The following THNSL1 variants were observed in gnomAD, a reference collection of about 807,000 sequenced individuals.
THNSL1 encodes threonine synthase like 1.
A neutral mutation model predicts 50.4 loss-of-function variants in THNSL1; 48 were observed. The observed-to-expected ratio is 0.95, with a 90% confidence interval of 0.76 to 1.21. The LOEUF (loss-of-function observed/expected upper bound fraction) is 1.21. THNSL1 is among the 50% of genes most tolerant of loss of function. The pLI is 0.00. For synonymous variants in THNSL1, 309 were observed against 306.1 expected (o/e 1.01, Z -0.10); for missense variants, 896 against 871.7 (o/e 1.03, Z -0.35).
chr10:24,959,969 C>G, the THNSL1 span, among the ~76,000 whole-genome samples: 3 of 152,100 alleles, frequency 2.0e-5, no homozygotes, highest in Admixed American at 2.0e-4. Context: ...TTTGGGTTAT[C>G]CTTCAGATTG....
At chr10:25,014,832 T>C (rs1019843860), upstream of THNSL1, among the ~76,000 whole-genome samples, 34 of 152,204 alleles carry the variant, frequency 2.2e-4, no homozygotes, top group African/African-American at 7.5e-4. Flanking sequence ...ATACTTAAAA[T>C]TGAAGAAGCT....
At chr10:24,998,957 A>C in the THNSL1 span, among the ~76,000 whole-genome samples, 2 of 152,178 alleles carry the variant, frequency 1.3e-5, no homozygotes, top group Non-Finnish European at 2.9e-5. Flanking sequence ...GGAGAGTAAA[A>C]GCCCGTACTC....
the THNSL1 span, chr10:24,984,386 A>G: frequency 1.9e-6 from 3 of 1,560,480 alleles, no homozygotes; most frequent in East Asian, 6.8e-5. Flanking sequence ...GCTGCAGAAA[A>G]AAAAAAAAAA....
the THNSL1 span, among the ~76,000 whole-genome samples, chr10:25,001,811 T>C: frequency 6.6e-6 from 1 of 152,188 alleles, no homozygotes; most frequent in East Asian, 1.9e-4. Context: ...TAAGGTCTTG[T>C]CTACTGATTC....
the THNSL1 span, among the ~76,000 whole-genome samples, chr10:24,953,031 T>C: frequency 6.6e-6 from 1 of 152,092 alleles, no homozygotes; most frequent in East Asian, 2.0e-4. Context: ...AACAATCTCC[T>C]TGACTCCTCC....
In THNSL1 at chr10:25,024,020, T is replaced by C; in HGVS notation, c.797T>C (p.Phe266Ser). The C allele has an allele frequency of 1.2e-6, 2 of 1,614,214 alleles. No individual in the cohort carries two copies. Among genetic ancestry groups the C allele is most frequent in the Non-Finnish European group, 1.7e-6 (2 of 1,180,020 alleles). The change falls in exon 3 of 3, where the codon TTT becomes TCT. Residue 266 changes from phenylalanine to serine, a missense_variant. Transcript: ENST00000376356. ...GGGTTGGCTTCTGATGGTGGCCTCT[T>C]TGTTCCTGCAAAGGAGTTTCCAAAA... Reference protein sequence around the residue: ...IEGLASDGGLFVPAKEFPKLS... With the variant: ...IEGLASDGGLSVPAKEFPKLS...
chr10:24,985,191 T>A, the THNSL1 span, among the ~76,000 whole-genome samples: 1 of 152,264 alleles, frequency 6.6e-6, no homozygotes, highest in East Asian at 1.9e-4. Context: ...ACACGCAGAG[T>A]TATGAGTAGT....
the THNSL1 span, among the ~76,000 whole-genome samples, chr10:24,978,744 C>T: frequency 9.2e-5 from 14 of 152,244 alleles, no homozygotes; most frequent in African/African-American, 9.6e-5. Context: ...TATCCGCCAG[C>T]GCTTTCCTGC....
At chr10:25,020,844 G>C (rs1452025853) in intron 1 of THNSL1, among the ~76,000 whole-genome samples, 1 of 151,916 alleles carries the variant, frequency 6.6e-6, no homozygotes. Flanking sequence ...AACTCAAAAA[G>C]AAGAAACTGT....
chr10:25,020,641 C>T (rs1588672347), intron 1 of THNSL1, among the ~76,000 whole-genome samples: 1 of 151,708 alleles, frequency 6.6e-6, no homozygotes, highest in Non-Finnish European at 1.5e-5. Context: ...GTGATGCACA[C>T]CTGGTGGGAG....
chr10:24,990,202 AG>A, the THNSL1 span, among the ~76,000 whole-genome samples: 8 of 152,246 alleles, frequency 5.3e-5, 1 homozygote, highest in African/African-American at 1.9e-4. Flanking sequence ...AGAGGAAGGT[AG>A]GCTTCCTTAC....
In THNSL1 at chr10:25,025,663, T is replaced by G; in HGVS notation, c.*208T>G. The G allele has an allele frequency of 1.8e-6, 1 of 548,592 alleles. No homozygotes were observed. The highest frequency in any genetic ancestry group is 3.3e-6 in the Non-Finnish European group (1 of 306,610). 34.0% of individuals were successfully genotyped at this position (548,592 alleles called of 1,614,324 possible). A position where few individuals can be genotyped will look rare whatever the true frequency, so the allele number is the denominator to read the frequency against. Reference sequence around the variant, plus strand: ...CTGGAAGTGACAAAAGGTAACACAGTGCACGGACCTTTGAGCTATCATACT... The same window carrying G: ...CTGGAAGTGACAAAAGGTAACACAGGGCACGGACCTTTGAGCTATCATACT... On this transcript the variant is annotated 3_prime_UTR_variant, in exon 3 of 3. Transcript: ENST00000376356.
chr10:25,016,967 C>CGT (rs1850602951), intron 1 of THNSL1, among the ~76,000 whole-genome samples: 1 of 152,150 alleles, frequency 6.6e-6, no homozygotes, highest in Admixed American at 6.5e-5. Context: ...CTGCCCGCCA[C>CGT]GTGTGTGAGT....
the THNSL1 span, among the ~76,000 whole-genome samples, chr10:25,001,213 T>C: frequency 2.1e-4 from 32 of 152,190 alleles, no homozygotes; most frequent in South Asian, 6.6e-3. Context: ...ATAAAGGACA[T>C]TTTTAAACTT....
chr10:24,975,235 G>A, the THNSL1 span, among the ~76,000 whole-genome samples: 1 of 152,176 alleles, frequency 6.6e-6, no homozygotes, highest in Non-Finnish European at 1.5e-5. Context: ...CAGCTCAAGG[G>A]TGGGAATTGC....
At chr10:25,005,442 G>A in the THNSL1 span, among the ~76,000 whole-genome samples, 4 of 152,090 alleles carry the variant, frequency 2.6e-5, no homozygotes, top group Admixed American at 1.3e-4. Flanking sequence ...AGCTGGGATA[G>A]TTTGAAAGTG....
chr10:24,971,040 C>A, the THNSL1 span, among the ~76,000 whole-genome samples: 1 of 152,020 alleles, frequency 6.6e-6, no homozygotes, highest in South Asian at 2.1e-4. Context: ...ATAGTTTGCA[C>A]ATCCAACAGC....
At chr10:25,012,205 G>A (rs1850462182), upstream of THNSL1, among the ~76,000 whole-genome samples, 1 of 151,868 alleles carries the variant, frequency 6.6e-6, no homozygotes, top group Non-Finnish European at 1.5e-5. Flanking sequence ...AAAATGTCTG[G>A]ATGTCTAGGC....
Position 25,025,081 on chromosome 10 carries a change from T to C in THNSL1, c.1858T>C (p.Ser620Pro). The change falls in exon 3 of 3, where the codon TCT becomes CCT. Residue 620 changes from serine to proline, a missense_variant. Coordinates refer to ENST00000376356, the MANE Select transcript of THNSL1 (RefSeq NM_024838.5). Reference protein sequence around the residue: ...LQQDFVADWCSEGECLAAINS... With the variant: ...LQQDFVADWCPEGECLAAINS... ...GCAGGATTTTGTAGCTGACTGGTGC[T>C]CTGAGGGAGAGTGCCTAGCAGCTAT... 1 of 1,614,206 alleles carries C rather than the reference T, an allele frequency of 6.2e-7. No individual in the cohort carries two copies.
Sources: allele counts gnomAD v4.1 joint callset (sites outside exome capture counted in the v4.1 genomes callset), GRCh38; gene constraint gnomAD v4.1.1; transcripts MANE v1.5; gene names NCBI Gene and HGNC (gene_info 2026-07-23, HGNC 2026-07-21).